Variants in VWF observed in about 807,000 individuals in gnomAD.
The protein encoded by VWF is von Willebrand factor.
A neutral mutation model predicts 308.6 loss-of-function variants in VWF; 176 were observed. That is an observed-to-expected ratio of 0.57 (90% CI 0.50 to 0.65). The LOEUF is 0.65. VWF is among the 30% of genes least tolerant of loss of function. The probability of loss-of-function intolerance (pLI) is 0.00; values close to 1 mark genes in which losing one functional copy is unlikely to be tolerated. For missense variants in VWF, 3,146 were observed against 3,648.2 expected (o/e 0.86, Z 3.55); for synonymous variants, 1,385 against 1,443.4 (o/e 0.96, Z 0.92).
At position 5,998,464 on chromosome 12, in the gene VWF, T is replaced by C; in HGVS notation, c.5843-2242A>G. ...AGTGAGCCGAGATTCCGAGACTCCG[T>C]CAAAAAAAAAAAAAAAAAAAAAAAA... is the stretch of plus-strand genomic sequence containing the variant. On this transcript the variant is annotated intron_variant, in intron 34 of 51. Transcript: ENST00000261405. Among the ~76,000 whole-genome samples, 3 of 31,816 alleles carry C rather than the reference T, an allele frequency of 9.4e-5. No homozygotes were observed. In the South Asian group the frequency reaches 4.7e-3, roughly 49 times the overall value. The allele number at this position is 31,816 out of a possible 152,430, so 20.9% of individuals were successfully genotyped here.
intron 41 of VWF, 30 bp downstream of exon 41, chr12:5,983,120 A>G (rs774986265): frequency 6.2e-7 from 1 of 1,605,096 alleles, no homozygotes; most frequent in South Asian, 1.1e-5. Flanking sequence ...GAGAGGCCAC[A>G]CCACCCCTCC....
chr12:5,955,580 G>T (rs1213703930), intron 47 of VWF, among the ~76,000 whole-genome samples: 2 of 152,088 alleles, frequency 1.3e-5, no homozygotes, highest in African/African-American at 4.8e-5. Context: ...GTATTCCATG[G>T]TGTATATGTG....
rs1022004302 is a variant in VWF, at chr12:6,063,748, C to T, written c.1432+498G>A. Among the ~76,000 whole-genome samples, 1 of 152,182 alleles carries T rather than the reference C, an allele frequency of 6.6e-6. No individual in the cohort carries two copies. The highest frequency in any genetic ancestry group is 2.1e-4 in the South Asian group (1 of 4,838). On this transcript the variant is annotated intron_variant, in intron 12 of 51. Coordinates refer to ENST00000261405, the MANE Select transcript of VWF (RefSeq NM_000552.5). The surrounding 1 kb of genome is among the most constrained non-coding windows in gnomAD (Gnocchi z 4.9). Reference sequence around the variant, plus strand: ...AAAAGCAGGTTTGCTTTGACCGGCACAGTGCAACCCAGGTGAAGATACTGG... The same window carrying T: ...AAAAGCAGGTTTGCTTTGACCGGCATAGTGCAACCCAGGTGAAGATACTGG...
Position 6,024,983 on chromosome 12 carries a change from AT to A in VWF, c.3222+596del, listed in dbSNP as rs1407875206. Among the ~76,000 whole-genome samples, 1 of 150,244 alleles carries A rather than the reference AT, an allele frequency of 6.7e-6. No homozygotes were observed. Among genetic ancestry groups the A allele is most frequent in the Non-Finnish European group, 1.5e-5 (1 of 67,814 alleles). The stretch of plus-strand genomic sequence containing the variant: ...GGCTGCACTAAGCCAAGATCATGCC[AT>A]TGCACTCCAGCCTGGGTGACAGAGC... On this transcript the variant is annotated intron_variant, in intron 24 of 51. Coordinates refer to ENST00000261405, the MANE Select transcript of VWF (RefSeq NM_000552.5). This position sits in a 1 kb window ranked among gnomAD's most constrained non-coding sequence, Gnocchi z 4.0.
In VWF at chr12:6,057,941, A is replaced by T; in HGVS notation, c.1637T>A (p.Val546Glu). ...CTTCCAGGCGTTCCCGAAGTCCTCCACCCGGGGCTCCGCCAGCCCAGAGGG... is the reference window on the plus strand; with the variant it reads ...CTTCCAGGCGTTCCCGAAGTCCTCCTCCCGGGGCTCCGCCAGCCCAGAGGG... ...LTPSGLAEPRVEDFGNAWKLH... is the reference protein window; with the variant it reads ...LTPSGLAEPREEDFGNAWKLH... Residue 546 changes from valine to glutamate, a missense_variant, in exon 14 of 52, where the codon GTG becomes GAG. Val to Glu is a moderately radical substitution (Grantham distance 121). Transcript: ENST00000261405. The T allele has an allele frequency of 1.2e-6, 2 of 1,613,600 alleles. No individual in the cohort carries two copies. Among genetic ancestry groups the T allele is most frequent in the Non-Finnish European group, 1.7e-6 (2 of 1,180,006 alleles).
At chr12:5,964,094 G>GT (rs1335488893) in intron 47 of VWF, among the ~76,000 whole-genome samples, 2 of 151,982 alleles carry the variant, frequency 1.3e-5, no homozygotes, top group Non-Finnish European at 2.9e-5. Flanking sequence ...GTGGGCGCCT[G>GT]TAGTCCCAGC....
At chr12:6,059,198 T>C (rs993191038) in intron 13 of VWF, among the ~76,000 whole-genome samples, 1 of 152,186 alleles carries the variant, frequency 6.6e-6, no homozygotes, top group African/African-American at 2.4e-5. Context: ...CATTAGGCCT[T>C]CTCCCACCTC....
chr12:6,094,770 T>C (rs1054724227), intron 6 of VWF, among the ~76,000 whole-genome samples: 5 of 151,892 alleles, frequency 3.3e-5, no homozygotes, highest in African/African-American at 1.2e-4. Flanking sequence ...TGGAGTGCAG[T>C]GGCACGATCT....
intron 6 of VWF, among the ~76,000 whole-genome samples, chr12:6,077,411 C>T (rs557613808): frequency 4.6e-5 from 7 of 152,320 alleles, no homozygotes; most frequent in Admixed American, 4.6e-4. Flanking sequence ...ATGGGGACAG[C>T]CATCAGCTGC....
chr12:6,054,769 T>C (rs982103405), intron 15 of VWF, among the ~76,000 whole-genome samples: 1 of 132,786 alleles, frequency 7.5e-6, no homozygotes, highest in Non-Finnish European at 1.6e-5. Context: ...GCTCCCTGAG[T>C]GTCTCCAATT....
In VWF at chr12:5,976,185, C is replaced by G. The variant is rs763541335; in HGVS notation, c.7363G>C (p.Asp2455His). 4.3e-6 allele frequency: 7 copies of G among 1,613,994 alleles called. No individual in the cohort carries two copies. In the African/African-American group the frequency reaches 6.7e-5, roughly 15 times the overall value. Residue 2455 changes from aspartate to histidine, a missense_variant, in exon 43 of 52, where the codon GAC becomes CAC. Physicochemically the swap from Asp to His is moderately conservative, Grantham distance 81. Coordinates refer to ENST00000261405, the MANE Select transcript of VWF (RefSeq NM_000552.5). Reference sequence around the variant, plus strand: ...AGGCCCATCACGGCATCCTCCATGTCGGTGCAGGTGCACACATCGCAGCCC... The same window carrying G: ...AGGCCCATCACGGCATCCTCCATGTGGGTGCAGGTGCACACATCGCAGCCC... ...EEGCDVCTCT[D>H]MEDAVMGLRV...
At chr12:5,955,526 G>A (rs12819922) in intron 47 of VWF, among the ~76,000 whole-genome samples, 39,103 of 151,968 alleles carry the variant, frequency 0.26, 5,372 homozygotes, top group South Asian at 0.33. Flanking sequence ...TTTCATCCAT[G>A]TCCCTACAAA....
At position 6,019,281 on chromosome 12, in the gene VWF, G is replaced by A. The variant is rs1389108861; in HGVS notation, c.4137C>T (p.Arg1379=). ...FSKIDRPEAS[R]ITLLLMASQE... ...GGCTGGCCATCAGGAGCAGGGTGAT[G>A]CGGGAGGCTTCAGGGCGGTCGATCT... The change falls in exon 28 of 52, where the codon CGC becomes CGT. Residue 1379 remains arginine, a synonymous_variant. Coordinates refer to ENST00000261405, the MANE Select transcript of VWF (RefSeq NM_000552.5). This position sits in a 1 kb window ranked among gnomAD's most constrained non-coding sequence, Gnocchi z 5.8. 1.2e-6 allele frequency: 2 copies of A among 1,613,910 alleles called. No homozygotes were observed. The highest frequency in any genetic ancestry group is 2.2e-5 in the South Asian group (2 of 91,070).
At chr12:5,977,426 A>G (rs900833470) in intron 42 of VWF, among the ~76,000 whole-genome samples, 5 of 152,250 alleles carry the variant, frequency 3.3e-5, no homozygotes, top group African/African-American at 1.2e-4. Flanking sequence ...AGATCTCTAC[A>G]CACTGATACA....
chr12:6,051,661 A>C (rs1220679201), intron 16 of VWF, among the ~76,000 whole-genome samples: 2 of 152,018 alleles, frequency 1.3e-5, no homozygotes, highest in Non-Finnish European at 2.9e-5. Context: ...CCGGGCTAGA[A>C]TGCAGTGGCG....
intron 15 of VWF, among the ~76,000 whole-genome samples, chr12:6,054,679 T>C (rs1211798145): frequency 2.6e-5 from 4 of 152,148 alleles, no homozygotes; most frequent in Admixed American, 1.3e-4. Context: ...CACAACCAAT[T>C]TGCAAGAGGA....
intron 6 of VWF, among the ~76,000 whole-genome samples, chr12:6,088,576 C>A (rs1591910153): frequency 6.6e-6 from 1 of 152,130 alleles, no homozygotes; most frequent in Admixed American, 6.5e-5. Flanking sequence ...GCCCAGCCCC[C>A]CGGAGCCTTG....
In VWF at chr12:6,023,512, T is replaced by C. The variant is rs764476220; in HGVS notation, c.3379+119A>G. ...CCTTAGCCCTTGGCCATCCAGTCCC[T>C]ACTAACACTCTGTCTTCTCTCGCCC... On this transcript the variant is annotated intron_variant, in intron 25 of 51. Transcript: ENST00000261405. 8 of 1,473,906 alleles carry C rather than the reference T, an allele frequency of 5.4e-6. No individual in the cohort carries two copies. The Admixed American group carries it at 1.2e-4, about 22-fold the overall frequency. The allele number at this position is 1,473,906 out of a possible 1,614,324, so 91.3% of individuals were successfully genotyped here. A position where few individuals can be genotyped will look rare whatever the true frequency, so the allele number is the denominator to read the frequency against.
chr12:6,027,698 C>G (rs1013977010), intron 22 of VWF, among the ~76,000 whole-genome samples: 2 of 152,188 alleles, frequency 1.3e-5, no homozygotes, highest in Admixed American at 6.5e-5. Context: ...AGGGACCTCT[C>G]TCAGAGCCTC....
Sources: allele counts gnomAD v4.1 joint callset (sites outside exome capture counted in the v4.1 genomes callset), GRCh38; gene constraint gnomAD v4.1.1; non-coding constraint Gnocchi (gnomAD v3.1); transcripts MANE v1.5; gene names NCBI Gene and HGNC (gene_info 2026-07-23, HGNC 2026-07-21).